Variants in TASP1 observed in about 807,000 individuals in gnomAD.
The protein encoded by TASP1 is threonine aspartase 1.
Under a neutral mutation model 56.6 loss-of-function variants are expected in TASP1, and 16 were observed. That is an observed-to-expected ratio of 0.28 (90% CI 0.19 to 0.43). The LOEUF is 0.43. Among genes scored for constraint, TASP1 ranks in the 20% least tolerant of loss-of-function variants. The pLI is 1.00. For missense variants in TASP1, 393 were observed against 511.6 expected (o/e 0.77, Z 2.24); for synonymous variants, 179 against 184.2 (o/e 0.97, Z 0.23).
At chr20:13,540,345 T>G (rs1221667860) in intron 8 of TASP1, among the ~76,000 whole-genome samples, 1 of 152,222 alleles carries the variant, frequency 6.6e-6, no homozygotes, top group Non-Finnish European at 1.5e-5. Context: ...TTATAAGTTC[T>G]ACATTAAATA....
chr20:13,242,303 CA>C, the TASP1 span, among the ~76,000 whole-genome samples: 1 of 152,096 alleles, frequency 6.6e-6, no homozygotes, highest in East Asian at 1.9e-4. Flanking sequence ...GGAGAATGAC[CA>C]GAAACTCCAC....
chr20:13,176,219 CA>C, the TASP1 span, among the ~76,000 whole-genome samples: 38 of 152,202 alleles, frequency 2.5e-4, no homozygotes, highest in African/African-American at 8.9e-4. Flanking sequence ...CCTCCTTTCC[CA>C]TTTGGATGCC....
chr20:13,612,351 T>C (rs1279284459), intron 4 of TASP1, among the ~76,000 whole-genome samples: 1 of 152,190 alleles, frequency 6.6e-6, no homozygotes, highest in Non-Finnish European at 1.5e-5. Flanking sequence ...TTTTCTCAAA[T>C]ACCAGAAAAC....
the TASP1 span, among the ~76,000 whole-genome samples, chr20:13,162,704 G>A: frequency 5.3e-5 from 8 of 152,128 alleles, no homozygotes; most frequent in South Asian, 2.1e-4. Context: ...CTCTAGCCTC[G>A]CTTTCATTCT....
At chr20:13,116,162 C>G in the TASP1 span, among the ~76,000 whole-genome samples, 1 of 151,800 alleles carries the variant, frequency 6.6e-6, no homozygotes, top group Non-Finnish European at 1.5e-5. Flanking sequence ...GTCTGGGTGA[C>G]TGTGCACACA....
chr20:13,571,756 A>T (rs942006823), intron 6 of TASP1, among the ~76,000 whole-genome samples: 14 of 152,152 alleles, frequency 9.2e-5, no homozygotes, highest in African/African-American at 2.9e-4. Flanking sequence ...TTAAAAATCT[A>T]CAAGCTCCCA....
chr20:13,456,863 G>T (rs2043859388), intron 11 of TASP1, among the ~76,000 whole-genome samples: 1 of 151,944 alleles, frequency 6.6e-6, no homozygotes, highest in Non-Finnish European at 1.5e-5. Context: ...TACCTACTAG[G>T]AAAAAAATGG....
intron 8 of TASP1, among the ~76,000 whole-genome samples, chr20:13,557,682 G>C (rs1680223395): frequency 6.7e-6 from 1 of 149,496 alleles, no homozygotes; most frequent in Non-Finnish European, 1.5e-5. Context: ...CCAGACTCAG[G>C]TGATTCTCCT....
chr20:13,128,654 T>C, the TASP1 span, among the ~76,000 whole-genome samples: 1 of 151,942 alleles, frequency 6.6e-6, no homozygotes, highest in Non-Finnish European at 1.5e-5. Flanking sequence ...ACAGGTACCT[T>C]TTATTTTGGA....
chr20:13,209,355 T>G, the TASP1 span, among the ~76,000 whole-genome samples: 1 of 152,222 alleles, frequency 6.6e-6, no homozygotes, highest in Non-Finnish European at 1.5e-5. Context: ...GTAAAGTTAA[T>G]GTACTGTAGG....
the TASP1 span, among the ~76,000 whole-genome samples, chr20:13,355,959 A>G: frequency 3.9e-5 from 6 of 152,218 alleles, no homozygotes; most frequent in African/African-American, 1.4e-4. Flanking sequence ...TACCATGTGC[A>G]AACTTTCTTG....
At chr20:13,164,401 A>T in the TASP1 span, 2 of 478,544 alleles carry the variant, frequency 4.2e-6, no homozygotes, top group South Asian at 3.1e-5. Context: ...TGCATTCTGC[A>T]ACCTTATCTT....
At chr20:13,146,746 C>T in the TASP1 span, among the ~76,000 whole-genome samples, 2 of 152,202 alleles carry the variant, frequency 1.3e-5, no homozygotes, top group African/African-American at 2.4e-5. Flanking sequence ...ACCTCAGCAG[C>T]TGGCCTTGCT....
At chr20:13,199,412 T>C in the TASP1 span, among the ~76,000 whole-genome samples, 3 of 152,038 alleles carry the variant, frequency 2.0e-5, no homozygotes, top group Admixed American at 6.6e-5. Flanking sequence ...CCTCCCTCCA[T>C]GCATTCAAAA....
the TASP1 span, among the ~76,000 whole-genome samples, chr20:13,140,315 A>T: frequency 2.0e-5 from 3 of 152,134 alleles, no homozygotes; most frequent in African/African-American, 7.2e-5. Flanking sequence ...CACCCCAGTC[A>T]CTCACTCAGC....
chr20:13,114,950 C>T, the TASP1 span, among the ~76,000 whole-genome samples: 23 of 152,206 alleles, frequency 1.5e-4, no homozygotes, highest in Admixed American at 1.4e-3. Context: ...AGGAATTATT[C>T]ACTGGCTTGC....
chr20:13,174,859 C>T, the TASP1 span, among the ~76,000 whole-genome samples: 1 of 152,138 alleles, frequency 6.6e-6, no homozygotes, highest in Non-Finnish European at 1.5e-5. Flanking sequence ...CCCCACATGT[C>T]ATGGGCAGGG....
chr20:13,595,383 C>G (rs916148549), intron 4 of TASP1, among the ~76,000 whole-genome samples: 1 of 152,146 alleles, frequency 6.6e-6, no homozygotes, highest in Non-Finnish European at 1.5e-5. Flanking sequence ...CAATATTAAC[C>G]TTAAATGTAA....
At chr20:13,162,304 T>C in the TASP1 span, among the ~76,000 whole-genome samples, 1 of 152,062 alleles carries the variant, frequency 6.6e-6, no homozygotes, top group Admixed American at 6.6e-5. Context: ...ATGGATGAAT[T>C]TGTAATTTTG....
Sources: allele counts gnomAD v4.1 joint callset (sites outside exome capture counted in the v4.1 genomes callset), GRCh38; gene constraint gnomAD v4.1.1; transcripts MANE v1.5; gene names NCBI Gene and HGNC (gene_info 2026-07-23, HGNC 2026-07-21).